ESRRG: variants seen among roughly 807,000 people sequenced by gnomAD.
ESRRG encodes estrogen-related receptor gamma.
ESRRG carries 13 observed loss-of-function variants against 44.0 expected under a neutral mutation model. That is an observed-to-expected ratio of 0.30 (90% confidence interval 0.19 to 0.47). The LOEUF is 0.47. ESRRG is among the 20% of genes least tolerant of loss of function. The pLI, the probability that ESRRG is intolerant of heterozygous loss-of-function variation, is 1.00. For synonymous variants in ESRRG, 215 were observed against 214.6 expected (o/e 1.00, Z -0.02); for missense variants, 395 against 580.6 (o/e 0.68, Z 3.29).
chr1:216,506,510 G>A lies in ESRRG; in HGVS notation c.*429C>T, dbSNP rs1388731634. On this transcript the variant is annotated 3_prime_UTR_variant, in exon 7 of 7. Transcript: ENST00000408911. ...AAAGAAAGGGAAAGGAAAGGGGGAA[G>A]GGAGGATTTTTTTTTAAACTAAAGC... The A allele has an allele frequency of 7.8e-6, 3 of 383,666 alleles. No homozygotes were observed. Among genetic ancestry groups the A allele is most frequent in the Non-Finnish European group, 1.5e-5 (3 of 198,058 alleles). The allele number at this position is 383,666 out of a possible 1,614,324, so 23.8% of individuals were successfully genotyped here.
chr1:217,086,106 C>T (rs2092072221), intron 1 of ESRRG, among the ~76,000 whole-genome samples: 1 of 152,152 alleles, frequency 6.6e-6, no homozygotes, highest in South Asian at 2.1e-4. Context: ...ATAATCATTA[C>T]TTCAAAACGA....
At chr1:216,646,224 T>G (rs545567720) in intron 3 of ESRRG, among the ~76,000 whole-genome samples, 28 of 152,118 alleles carry the variant, frequency 1.8e-4, no homozygotes, top group Non-Finnish European at 3.8e-4. Context: ...AATTTCCTCA[T>G]GAAATTTCTG....
intron 2 of ESRRG, among the ~76,000 whole-genome samples, chr1:216,888,096 C>CCTCT (rs759753406): frequency 2.0e-5 from 3 of 151,980 alleles, no homozygotes; most frequent in Non-Finnish European, 4.4e-5. Flanking sequence ...TTACTGAGGT[C>CCTCT]CTCTCATCAA....
intron 6 of ESRRG, among the ~76,000 whole-genome samples, chr1:216,515,151 G>A (rs551766895): frequency 1.3e-5 from 2 of 152,036 alleles, no homozygotes; most frequent in Admixed American, 6.6e-5. Flanking sequence ...GTATTTAAGC[G>A]ATGTATTCTC....
At chr1:216,883,722 G>T (rs1050431611) in intron 2 of ESRRG, among the ~76,000 whole-genome samples, 10 of 152,114 alleles carry the variant, frequency 6.6e-5, no homozygotes, top group Admixed American at 5.2e-4. Context: ...ACCCCCTAAT[G>T]GTAGCACCAC....
At chr1:216,588,656 T>C (rs568769887) in intron 3 of ESRRG, among the ~76,000 whole-genome samples, 3 of 152,348 alleles carry the variant, frequency 2.0e-5, no homozygotes, top group Admixed American at 2.0e-4. Context: ...TCAGAGAAGT[T>C]AAGCAATTCA....
At chr1:216,780,091 A>C (rs1270376047) in intron 2 of ESRRG, among the ~76,000 whole-genome samples, 1 of 151,734 alleles carries the variant, frequency 6.6e-6, no homozygotes, top group Non-Finnish European at 1.5e-5. Context: ...AAAAAGAAAA[A>C]GAAAAGTATG....
At chr1:217,027,949 C>G (rs957953513) in intron 1 of ESRRG, among the ~76,000 whole-genome samples, 1 of 152,184 alleles carries the variant, frequency 6.6e-6, no homozygotes, top group Admixed American at 6.5e-5. Flanking sequence ...ATTTTCTAAA[C>G]TAATGCCTTA....
chr1:216,957,805 T>G (rs1401652064), intron 1 of ESRRG, among the ~76,000 whole-genome samples: 2 of 152,194 alleles, frequency 1.3e-5, no homozygotes, highest in Non-Finnish European at 2.9e-5. Context: ...ATTAAATAAC[T>G]AATTATTGCC....
chr1:216,564,831 A>C (rs999623595), intron 4 of ESRRG, among the ~76,000 whole-genome samples: 15 of 152,212 alleles, frequency 9.9e-5, no homozygotes, highest in Non-Finnish European at 4.4e-5. Context: ...GCCTATAGTC[A>C]TAATGGGCAT....
intron 3 of ESRRG, among the ~76,000 whole-genome samples, chr1:216,632,213 C>A (rs925069999): frequency 1.2e-4 from 18 of 152,186 alleles, no homozygotes; most frequent in Admixed American, 2.0e-4. Flanking sequence ...CCTTGTGTCT[C>A]CCTACCCTGA....
chr1:216,988,842 T>C (rs1395398439), intron 1 of ESRRG, among the ~76,000 whole-genome samples: 2 of 152,210 alleles, frequency 1.3e-5, no homozygotes, highest in East Asian at 3.9e-4. Context: ...AGAATGTCTA[T>C]TATGACGTTC....
At chr1:217,029,920 C>A (rs538259919) in intron 1 of ESRRG, among the ~76,000 whole-genome samples, 1 of 152,310 alleles carries the variant, frequency 6.6e-6, no homozygotes, top group African/African-American at 2.4e-5. Flanking sequence ...CTTCCATTTG[C>A]TTTGATGACA....
Position 216,589,644 on chromosome 1 carries a change from T to G in ESRRG, c.590-21546A>C, listed in dbSNP as rs548097777. Among the ~76,000 whole-genome samples, 4 of 151,968 alleles carry G rather than the reference T, an allele frequency of 2.6e-5. No homozygotes were observed. The South Asian group carries it at 8.3e-4, about 32-fold the overall frequency. On this transcript the variant is annotated intron_variant, in intron 3 of 6. Transcript: ENST00000408911. ...GAAGAGAAACCATTAAGAAGTGATA[T>G]TCAAATCCCAGCACTCTGGGAGGCC...
intron 2 of ESRRG, among the ~76,000 whole-genome samples, chr1:216,939,289 CACT>C (rs1446055774): frequency 2.4e-5 from 3 of 126,316 alleles, no homozygotes; most frequent in Non-Finnish European, 4.8e-5. Flanking sequence ...CCTACATGAT[CACT>C]ACAACACATA....
At chr1:216,574,494 T>G (rs1369959890) in intron 3 of ESRRG, among the ~76,000 whole-genome samples, 2 of 152,124 alleles carry the variant, frequency 1.3e-5, no homozygotes, top group African/African-American at 4.8e-5. Flanking sequence ...CAAAAGTATT[T>G]TTCACATCTT....
At chr1:216,562,344 C>T (rs2058911859) in intron 5 of ESRRG, among the ~76,000 whole-genome samples, 1 of 152,036 alleles carries the variant, frequency 6.6e-6, no homozygotes, top group Non-Finnish European at 1.5e-5. Context: ...GATTCTACTC[C>T]AGGAAGCCAC....
chr1:216,936,170 G>A (rs1442867029), intron 2 of ESRRG, among the ~76,000 whole-genome samples: 1 of 151,992 alleles, frequency 6.6e-6, no homozygotes, highest in Non-Finnish European at 1.5e-5. Context: ...TGTGAAGGTT[G>A]GGGGTGTTGT....
intron 5 of ESRRG, among the ~76,000 whole-genome samples, chr1:216,554,724 T>C (rs1205582254): frequency 6.6e-6 from 1 of 152,162 alleles, no homozygotes; most frequent in African/African-American, 2.4e-5. Context: ...GTTAGATTTG[T>C]TGAAAATTAA....
Sources: gnomAD v4.1 joint callset for allele counts (sites outside exome capture counted in the v4.1 genomes callset) on GRCh38, gnomAD v4.1.1 for gene constraint, MANE v1.5 for transcripts, NCBI Gene and HGNC (gene_info 2026-07-23, HGNC 2026-07-21) for gene names.